Variants in USP46 observed in about 807,000 individuals in gnomAD.
The protein encoded by USP46 is ubiquitin carboxyl-terminal hydrolase 46.
A neutral mutation model predicts 44.4 loss-of-function variants in USP46; 12 were observed. That is an observed-to-expected ratio of 0.27 (90% CI 0.17 to 0.44). The LOEUF (loss-of-function observed/expected upper bound fraction) is 0.44, where lower values mean the gene tolerates loss of function less well. Among genes scored for constraint, USP46 ranks in the 20% least tolerant of loss-of-function variants. USP46 has a pLI of 1.00. For missense variants in USP46, 248 were observed against 444.8 expected, an observed-to-expected ratio of 0.56 and a Z score of 3.98; for synonymous variants, 155 against 161.5, an observed-to-expected ratio of 0.96 and a Z score of 0.31.
chr4:52,628,063 T>A lies in USP46; in HGVS notation c.218A>T (p.Lys73Met). 6.2e-7 allele frequency: 1 copy of A among 1,613,984 alleles called. No homozygotes were observed. The highest frequency in any genetic ancestry group is 1.1e-5 in the South Asian group (1 of 91,078). Residue 73 changes from lysine (K) to methionine (M), a missense_variant, in exon 3 of 9, where the codon AAG becomes ATG. Lys to Met is a moderately conservative substitution (Grantham distance 95). This residue lies in a region of USP46 where 54 missense variants were observed against 135.0 expected (regional missense o/e 0.40). Transcript: ENST00000441222. ...VLAYKAQQKK[K>M]ENLLTCLADL... ...CGCCAGGCACGTCAGCAAGTTTTCC[T>A]TCTTCTTTTGCTGGGCCTTGTATGC...
At chr4:52,622,492 A>G (rs1191225579) in intron 4 of USP46, among the ~76,000 whole-genome samples, 1 of 152,104 alleles carries the variant, frequency 6.6e-6, no homozygotes, top group Non-Finnish European at 1.5e-5. Flanking sequence ...CATGACAAAC[A>G]TTTTCATTTA....
intron 1 of USP46, among the ~76,000 whole-genome samples, chr4:52,631,699 G>A (rs1717833256): frequency 6.6e-6 from 1 of 152,136 alleles, no homozygotes; most frequent in Non-Finnish European, 1.5e-5. Flanking sequence ...GTGTTGGAGA[G>A]TTTATTTAAA....
At chr4:52,609,155 T>C (rs1716816485) in intron 5 of USP46, among the ~76,000 whole-genome samples, 1 of 152,150 alleles carries the variant, frequency 6.6e-6, no homozygotes, top group Admixed American at 6.5e-5. Flanking sequence ...CATACAAACT[T>C]AACAGCTTCT....
chr4:52,656,250 C>T (rs1339579551), intron 1 of USP46: 5 of 1,542,138 alleles, frequency 3.2e-6, no homozygotes, highest in Non-Finnish European at 4.4e-6. Flanking sequence ...CAGTAAGAGG[C>T]CCACAGAGGA....
chr4:52,631,182 A>C (rs1717812094), intron 1 of USP46, 38 bp from the exon 2 acceptor site: 1 of 1,487,180 alleles, frequency 6.7e-7, no homozygotes, highest in Non-Finnish European at 9.1e-7. Context: ...GTTGCATGTA[A>C]AATAGACAAA....
rs993979245 is a variant in USP46 at position 52,631,047 on chromosome 4, A to G, written c.117+17T>C. On this transcript the variant is annotated intron_variant, in intron 2 of 8. Coordinates refer to ENST00000441222, the MANE Select transcript of USP46 (RefSeq NM_022832.4). The stretch of plus-strand genomic sequence containing the variant: ...CCCTAAAACATTTGATGAAAATAAT[A>G]CATTTTACATACTTACATTGACCAA... The G allele has an allele frequency of 8.4e-6, 13 of 1,549,472 alleles. No individual in the cohort carries two copies. Among genetic ancestry groups the G allele is most frequent in the Non-Finnish European group, 1.1e-5 (13 of 1,144,970 alleles).
intron 1 of USP46, among the ~76,000 whole-genome samples, chr4:52,631,405 T>G (rs1304210166): frequency 5.9e-5 from 9 of 152,224 alleles, no homozygotes; most frequent in African/African-American, 2.2e-4. Flanking sequence ...AAAAGAAAGT[T>G]TGAGACAGGC....
chr4:52,639,860 G>GTTT (rs34078992), intron 1 of USP46, among the ~76,000 whole-genome samples: 15 of 116,614 alleles, frequency 1.3e-4, no homozygotes, highest in East Asian at 5.2e-4. Context: ...CCATGCCTGG[G>GTTT]TTTTTTTTTT....
At chr4:52,648,932 G>C (rs1718654713) in intron 1 of USP46, among the ~76,000 whole-genome samples, 1 of 152,108 alleles carries the variant, frequency 6.6e-6, no homozygotes, top group African/African-American at 2.4e-5. Context: ...TATCTGACTT[G>C]GGAACCCAAT....
At chr4:52,613,939 T>G (rs1717029255) in intron 4 of USP46, among the ~76,000 whole-genome samples, 1 of 151,830 alleles carries the variant, frequency 6.6e-6, no homozygotes, top group Non-Finnish European at 1.5e-5. Flanking sequence ...ATAACTATCA[T>G]CAGTAAAATA....
intron 1 of USP46, among the ~76,000 whole-genome samples, chr4:52,637,858 C>T (rs1445033453): frequency 6.6e-6 from 1 of 152,186 alleles, no homozygotes; most frequent in African/African-American, 2.4e-5. Context: ...GGCCCTCCTG[C>T]TGTTCTCCGG....
chr4:52,658,031 C>A (rs562309725), intron 1 of USP46: 8 of 338,374 alleles, frequency 2.4e-5, no homozygotes, highest in Admixed American at 1.9e-4. Flanking sequence ...CCTTTAGGGG[C>A]CAGTATTACT....
intron 4 of USP46, among the ~76,000 whole-genome samples, chr4:52,623,477 A>C (rs1325332760): frequency 6.6e-6 from 1 of 152,238 alleles, no homozygotes; most frequent in Non-Finnish European, 1.5e-5. Context: ...AGTGGAAACA[A>C]AATGAAATAA....
rs1026520449 is a variant in USP46 at position 52,596,085 on chromosome 4, G to A, written c.*1555C>T. The A allele has an allele frequency of 5.2e-5, 8 of 152,594 alleles. No individual in the cohort carries two copies. The highest frequency in any genetic ancestry group is 2.1e-4 in the South Asian group (1 of 4,828). 9.5% of individuals were successfully genotyped at this position (152,594 alleles called of 1,614,324 possible). A position where few individuals can be genotyped will look rare whatever the true frequency, so the allele number is the denominator to read the frequency against. On this transcript the variant is annotated 3_prime_UTR_variant, in exon 9 of 9. Transcript: ENST00000441222. ...ACGAAATGTTGGCATGCTTACTTAA[G>A]TTCTGAGCAATAAACAGTTCAAGAT...
chr4:52,658,149 G>A (rs1157828042), intron 1 of USP46: 1 of 452,870 alleles, frequency 2.2e-6, no homozygotes, highest in Non-Finnish European at 4.4e-6. Flanking sequence ...TCTAAAGAAT[G>A]TAGGCAAAAC....
At chr4:52,618,572 CTAAA>C (rs1420284312) in intron 4 of USP46, among the ~76,000 whole-genome samples, 1 of 152,074 alleles carries the variant, frequency 6.6e-6, no homozygotes. Context: ...GACCCTAACT[CTAAA>C]TAAATAAATA....
In USP46 at chr4:52,597,696, C is replaced by A; in HGVS notation, c.1045G>T (p.Asp349Tyr). 6.2e-7 allele frequency: 1 copy of A among 1,603,574 alleles called. No homozygotes were observed. The highest frequency in any genetic ancestry group is 1.7e-5 in the Admixed American group (1 of 58,548). ...CCAGATTCTGAATTTTTTGATATAT[C>A]TGACGTCAGGCCATAGAATTCTTCA... ...AIEEFYGLTS[D>Y]ISKNSESGYI... Residue 349 changes from aspartate (D) to tyrosine (Y), a missense_variant, in exon 9 of 9, where the codon GAT (aspartate) becomes TAT (tyrosine). This residue lies in a region of USP46 where 28 missense variants were observed against 28.5 expected (regional missense o/e 0.98). Coordinates refer to ENST00000441222, the MANE Select transcript of USP46 (RefSeq NM_022832.4).
intron 4 of USP46, among the ~76,000 whole-genome samples, chr4:52,622,220 G>A (rs1348772761): frequency 6.6e-6 from 1 of 152,100 alleles, no homozygotes; most frequent in Non-Finnish European, 1.5e-5. Flanking sequence ...CAAAGTTATT[G>A]TTAATGTTCC....
In USP46 at chr4:52,628,116, G is replaced by A. The variant is rs115007179; in HGVS notation, c.165C>T (p.Phe55=). The part of the protein sequence containing the change: ...YCNSVLQALY[F]CRPFRENVLA... ...ACACATTCTCCCGGAATGGACGGCA[G>A]AAGTACAATGCCTGAAGCACGGAGT... Residue 55 remains phenylalanine (F), a synonymous_variant, in exon 3 of 9, where the codon TTC becomes TTT. Transcript: ENST00000441222. The A allele has an allele frequency of 2.1e-3, 3,379 of 1,613,950 alleles. 42 individuals are homozygous for A. The African/African-American group carries it at 0.033, about 16-fold the overall frequency.
Sources: gnomAD v4.1 joint callset for allele counts (sites outside exome capture counted in the v4.1 genomes callset) on GRCh38, gnomAD v4.1.1 for gene constraint, gnomAD v4.1.1 regional missense constraint, MANE v1.5 for transcripts, NCBI Gene and HGNC (gene_info 2026-07-23, HGNC 2026-07-21) for gene names.